Variants in ZNF407 observed in about 807,000 individuals in gnomAD.
ZNF407 encodes zinc finger protein 407.
A neutral mutation model predicts 131.2 loss-of-function variants in ZNF407; 17 were observed. The ratio of observed to expected loss-of-function variants is 0.13; its 90% CI spans 0.09 to 0.19. ZNF407 has a LOEUF of 0.19. Ranked by LOEUF, ZNF407 falls within the 10% of genes least tolerant of loss-of-function variation. The pLI is 1.00. For missense variants in ZNF407, 2,681 were observed against 2,830.6 expected (o/e 0.95, Z 1.20); for synonymous variants, 1,156 against 1,062.0 (o/e 1.09, Z -1.72).
intron 1 of ZNF407, among the ~76,000 whole-genome samples, chr18:74,603,213 G>C (rs576305120): frequency 1.1e-4 from 17 of 152,334 alleles, no homozygotes; most frequent in Admixed American, 5.9e-4. Context: ...CTGCACAGAT[G>C]CTATGAGAGT....
chr18:74,884,216 T>G (rs940232753), intron 6 of ZNF407, among the ~76,000 whole-genome samples: 5 of 152,364 alleles, frequency 3.3e-5, no homozygotes, highest in African/African-American at 1.2e-4. Context: ...TTGTGATATT[T>G]TCTTTCCAAC....
chr18:75,044,785 T>C (rs1180378756), intron 8 of ZNF407, among the ~76,000 whole-genome samples: 1 of 152,184 alleles, frequency 6.6e-6, no homozygotes, highest in Non-Finnish European at 1.5e-5. Context: ...ACTATTCACA[T>C]TATTTTTATG....
intron 7 of ZNF407, among the ~76,000 whole-genome samples, chr18:74,892,277 A>T (rs1971396026): frequency 6.6e-6 from 1 of 152,158 alleles, no homozygotes; most frequent in South Asian, 2.1e-4. Context: ...AGTGCAAGCC[A>T]TGTGGAGAAC....
intron 8 of ZNF407, among the ~76,000 whole-genome samples, chr18:75,032,859 A>G (rs1235552204): frequency 2.1e-5 from 3 of 144,008 alleles, no homozygotes; most frequent in East Asian, 2.1e-4. Context: ...AATGGGGGGA[A>G]GATAGTATTA....
chr18:75,060,647 A>C (rs1227779626), intron 8 of ZNF407, among the ~76,000 whole-genome samples: 1 of 151,062 alleles, frequency 6.6e-6, no homozygotes, highest in African/African-American at 2.4e-5. Context: ...CTGGGATTAC[A>C]GGCACCCGCC....
chr18:74,844,402 A>G (rs1970675222), intron 4 of ZNF407, among the ~76,000 whole-genome samples: 1 of 152,230 alleles, frequency 6.6e-6, no homozygotes, highest in Non-Finnish European at 1.5e-5. Context: ...CACAAATTGC[A>G]TTTTGTTCTC....
rs76918560 is a variant in ZNF407, at chr18:75,042,802, T to C, written c.5429-20348T>C. ...GTTTTGTCTTTTCCAGCATGTCACG[T>C]CAGTGGCAGGTACCCATCTATTTCA... On this transcript the variant is annotated intron_variant, in intron 8 of 8. Coordinates refer to ENST00000299687, the MANE Select transcript of ZNF407 (RefSeq NM_017757.3). Among the ~76,000 whole-genome samples the C allele has an allele frequency of 2.6e-3, 394 of 152,314 alleles. 4 individuals are homozygous for C. Among genetic ancestry groups the C allele is most frequent in the African/African-American group, 9.1e-3 (378 of 41,574 alleles).
At chr18:74,856,965 C>T (rs1970867802) in intron 4 of ZNF407, among the ~76,000 whole-genome samples, 1 of 152,136 alleles carries the variant, frequency 6.6e-6, no homozygotes, top group South Asian at 2.1e-4. Flanking sequence ...TACTAAACAA[C>T]CGTGGGCTAA....
chr18:74,764,179 C>T (rs777785456), intron 3 of ZNF407, among the ~76,000 whole-genome samples: 5 of 151,544 alleles, frequency 3.3e-5, no homozygotes, highest in African/African-American at 4.9e-5. Context: ...CCCATTATTT[C>T]TTCAACTACT....
intron 8 of ZNF407, among the ~76,000 whole-genome samples, chr18:75,046,922 T>C (rs756756715): frequency 1.3e-5 from 2 of 152,222 alleles, no homozygotes; most frequent in Non-Finnish European, 2.9e-5. Context: ...AAATAAATTA[T>C]GTTCATGGCA....
intron 1 of ZNF407, among the ~76,000 whole-genome samples, chr18:74,608,416 C>G (rs1029249702): frequency 1.4e-4 from 21 of 150,716 alleles, no homozygotes; most frequent in Admixed American, 2.0e-4. Flanking sequence ...TGGCTCATCT[C>G]GGCTCACTGC....
chr18:74,984,367 A>G (rs1258721179), intron 8 of ZNF407, among the ~76,000 whole-genome samples: 1 of 152,242 alleles, frequency 6.6e-6, no homozygotes, highest in African/African-American at 2.4e-5. Flanking sequence ...CATTCCTGCC[A>G]AAAACTATTC....
chr18:74,990,132 A>G (rs1048087388), intron 8 of ZNF407, among the ~76,000 whole-genome samples: 1 of 152,212 alleles, frequency 6.6e-6, no homozygotes, highest in African/African-American at 2.4e-5. Context: ...GGATAATTGC[A>G]GAAGTGGGGG....
intron 3 of ZNF407, among the ~76,000 whole-genome samples, chr18:74,711,588 T>C (rs1386566136): frequency 2.0e-5 from 3 of 152,250 alleles, no homozygotes; most frequent in African/African-American, 7.2e-5. Context: ...CAGTCATTCC[T>C]GGGCTGGACT....
At chr18:74,749,416 G>T (rs1968746832) in intron 3 of ZNF407, among the ~76,000 whole-genome samples, 1 of 152,126 alleles carries the variant, frequency 6.6e-6, no homozygotes, top group African/African-American at 2.4e-5. Flanking sequence ...TGGAATTTTA[G>T]AAATTAATGG....
intron 4 of ZNF407, among the ~76,000 whole-genome samples, chr18:74,821,844 A>G (rs1458343493): frequency 6.6e-6 from 1 of 152,216 alleles, no homozygotes; most frequent in Non-Finnish European, 1.5e-5. Flanking sequence ...AGGAAATGCC[A>G]CACTGTCTTC....
intron 4 of ZNF407, among the ~76,000 whole-genome samples, chr18:74,822,856 G>A (rs1322319626): frequency 6.6e-6 from 1 of 152,108 alleles, no homozygotes; most frequent in Admixed American, 6.6e-5. Flanking sequence ...ATTACTTTGG[G>A]CAATAAGACC....
intron 7 of ZNF407, among the ~76,000 whole-genome samples, chr18:74,912,200 T>C (rs1472676701): frequency 6.6e-6 from 1 of 152,190 alleles, no homozygotes; most frequent in African/African-American, 2.4e-5. Context: ...TTAACACATA[T>C]TAATAAATAC....
At chr18:74,844,104 C>T (rs372836875) in intron 4 of ZNF407, among the ~76,000 whole-genome samples, 2 of 152,170 alleles carry the variant, frequency 1.3e-5, no homozygotes, top group Non-Finnish European at 2.9e-5. Context: ...CGGCCTATGT[C>T]CACCCCTCCA....
Sources: gnomAD v4.1 joint callset for allele counts (sites outside exome capture counted in the v4.1 genomes callset) on GRCh38, gnomAD v4.1.1 for gene constraint, MANE v1.5 for transcripts, NCBI Gene and HGNC (gene_info 2026-07-23, HGNC 2026-07-21) for gene names.